The following PIK3CB variants were observed in gnomAD, a reference collection of about 807,000 sequenced individuals.
PIK3CB encodes phosphatidylinositol 4,5-bisphosphate 3-kinase catalytic subunit beta isoform.
In PIK3CB, 39 loss-of-function variants were observed where a neutral mutation model predicts 136.8. The ratio of observed to expected loss-of-function variants is 0.29; its 90% CI spans 0.22 to 0.37. The LOEUF (loss-of-function observed/expected upper bound fraction) is 0.37. Among genes scored for constraint, PIK3CB ranks in the 10% least tolerant of loss-of-function variants. The probability of loss-of-function intolerance (pLI) is 1.00; values close to 1 mark genes in which losing one functional copy is unlikely to be tolerated. For missense variants in PIK3CB, 868 were observed against 1,275.4 expected, an observed-to-expected ratio of 0.68 and a Z score of 4.87; for synonymous variants, 428 against 436.6, an observed-to-expected ratio of 0.98 and a Z score of 0.25.
chr3:138,729,047 G>A (rs1039078674), intron 8 of PIK3CB, among the ~76,000 whole-genome samples: 1 of 152,154 alleles, frequency 6.6e-6, no homozygotes, highest in African/African-American at 2.4e-5. Context: ...TTGGAAGGCT[G>A]AGGTGGGTGG....
At chr3:138,689,240 G>A (rs922354110) in intron 15 of PIK3CB, among the ~76,000 whole-genome samples, 1 of 152,122 alleles carries the variant, frequency 6.6e-6, no homozygotes, top group Admixed American at 6.6e-5. Flanking sequence ...GCTAGATGTC[G>A]CTAGGTGACT....
At chr3:138,785,099 G>A (rs952297702) in intron 2 of PIK3CB, among the ~76,000 whole-genome samples, 2 of 151,890 alleles carry the variant, frequency 1.3e-5, no homozygotes, top group African/African-American at 4.8e-5. Flanking sequence ...TCCGGGAGGT[G>A]GGGGGCAGCC....
intron 2 of PIK3CB, among the ~76,000 whole-genome samples, chr3:138,789,024 T>A (rs2046018910): frequency 7.4e-6 from 1 of 135,070 alleles, no homozygotes; most frequent in Non-Finnish European, 1.6e-5. Context: ...TTTTTTTTTA[T>A]AAAACCAAAC....
At chr3:138,734,497 T>G (rs969768660) in intron 7 of PIK3CB, 137 bp downstream of exon 7, 6 of 497,242 alleles carry the variant, frequency 1.2e-5, no homozygotes, top group African/African-American at 5.9e-5. Flanking sequence ...TTTAAATAAA[T>G]GGTGATCGAT....
chr3:138,729,081 G>A (rs1384617292), intron 8 of PIK3CB, among the ~76,000 whole-genome samples: 1 of 152,086 alleles, frequency 6.6e-6, no homozygotes, highest in Non-Finnish European at 1.5e-5. Flanking sequence ...AGGAGTTTGA[G>A]ACCAGGCTGG....
At chr3:138,759,848 A>G (rs2045637464) in intron 2 of PIK3CB, among the ~76,000 whole-genome samples, 1 of 152,134 alleles carries the variant, frequency 6.6e-6, no homozygotes, top group African/African-American at 2.4e-5. Flanking sequence ...GCAAATTCCA[A>G]TGAAAATGAC....
intron 13 of PIK3CB, among the ~76,000 whole-genome samples, chr3:138,696,948 G>A (rs2044149632): frequency 6.6e-6 from 1 of 152,076 alleles, no homozygotes; most frequent in Non-Finnish European, 1.5e-5. Context: ...TAATACTAGA[G>A]GTTCAACAAT....
intron 2 of PIK3CB, chr3:138,769,924 A>G (rs1035279312): frequency 6.6e-6 from 1 of 152,226 alleles, no homozygotes; most frequent in African/African-American, 2.4e-5. Flanking sequence ...TAAGTAAATT[A>G]TCCAGGAATA....
At chr3:138,830,185 T>G (rs1247086699) in intron 1 of PIK3CB, among the ~76,000 whole-genome samples, 1 of 152,076 alleles carries the variant, frequency 6.6e-6, no homozygotes, top group Non-Finnish European at 1.5e-5. Flanking sequence ...GAAGGTTCCT[T>G]TACATAATGT....
intron 21 of PIK3CB, among the ~76,000 whole-genome samples, chr3:138,662,868 A>G (rs540046020): frequency 1.3e-5 from 2 of 152,274 alleles, no homozygotes; most frequent in South Asian, 2.1e-4. Flanking sequence ...GCCAGTGATG[A>G]TGAGCATTTT....
intron 15 of PIK3CB, among the ~76,000 whole-genome samples, chr3:138,690,724 A>AC (rs1491370300): frequency 7.1e-5 from 8 of 112,802 alleles, no homozygotes; most frequent in African/African-American, 3.2e-4. Context: ...AAACACACAC[A>AC]AAAAAAAAAA....
chr3:138,659,740 T>C (rs2043256088), intron 21 of PIK3CB, among the ~76,000 whole-genome samples: 1 of 152,096 alleles, frequency 6.6e-6, no homozygotes, highest in Non-Finnish European at 1.5e-5. Flanking sequence ...TGCAGGTACT[T>C]AGTAAGGGTG....
intron 18 of PIK3CB, among the ~76,000 whole-genome samples, chr3:138,682,745 G>A (rs1187282962): frequency 6.6e-6 from 1 of 152,200 alleles, no homozygotes; most frequent in Non-Finnish European, 1.5e-5. Context: ...AAAACCCTAT[G>A]AGTTCTTTTT....
chr3:138,807,224 A>C (rs1416485324), intron 1 of PIK3CB, among the ~76,000 whole-genome samples: 1 of 152,190 alleles, frequency 6.6e-6, no homozygotes, highest in Non-Finnish European at 1.5e-5. Context: ...GCTTGAACTC[A>C]GGAGTTCGAG....
intron 15 of PIK3CB, among the ~76,000 whole-genome samples, chr3:138,690,138 T>C (rs928172713): frequency 2.0e-5 from 3 of 151,084 alleles, no homozygotes; most frequent in Non-Finnish European, 4.4e-5. Flanking sequence ...TGGAAAAAAA[T>C]ATATGAATAA....
intron 19 of PIK3CB, among the ~76,000 whole-genome samples, chr3:138,673,708 T>TAC (rs150359885): frequency 0.015 from 2,233 of 151,486 alleles, 22 homozygotes; most frequent in Non-Finnish European, 0.023. Flanking sequence ...CACACACACA[T>TAC]ACACACACAC....
chr3:138,689,099 A>C, intron 15 of PIK3CB, 125 bp from the exon 16 acceptor site: 2 of 623,180 alleles, frequency 3.2e-6, no homozygotes, highest in East Asian at 2.8e-5. Context: ...GTGCATTATT[A>C]TTTCCTTCCT....
chr3:138,772,010 T>C (rs1197108726), intron 2 of PIK3CB, among the ~76,000 whole-genome samples: 2 of 151,344 alleles, frequency 1.3e-5, no homozygotes, highest in East Asian at 1.9e-4. Flanking sequence ...TTTACAAACC[T>C]GAATACAGAA....
chr3:138,804,741 A>G (rs1459909549), intron 1 of PIK3CB, among the ~76,000 whole-genome samples: 1 of 152,112 alleles, frequency 6.6e-6, no homozygotes, highest in Non-Finnish European at 1.5e-5. Flanking sequence ...AAAACTCAGT[A>G]TGGCCGGGAA....
Sources: allele counts gnomAD v4.1 joint callset (sites outside exome capture counted in the v4.1 genomes callset), GRCh38; gene constraint gnomAD v4.1.1; transcripts MANE v1.5; gene names NCBI Gene and HGNC (gene_info 2026-07-23, HGNC 2026-07-21).